NR2E1: variants seen among roughly 807,000 people sequenced by gnomAD.
The protein encoded by NR2E1 is nuclear receptor TLX.
A neutral mutation model predicts 43.6 loss-of-function variants in NR2E1; 5 were observed. The ratio of observed to expected loss-of-function variants is 0.11; its 90% CI spans 0.06 to 0.24. The LOEUF (loss-of-function observed/expected upper bound fraction) is 0.24. Ranked by LOEUF, NR2E1 falls within the 10% of genes least tolerant of loss-of-function variation. The pLI, the probability that NR2E1 is intolerant of heterozygous loss-of-function variation, is 1.00. For missense variants in NR2E1, 287 were observed against 496.7 expected, an observed-to-expected ratio of 0.58 and a Z score of 4.01; for synonymous variants, 191 against 195.5, an observed-to-expected ratio of 0.98 and a Z score of 0.19.
chr6:108,166,440 C>T lies in NR2E1; in HGVS notation c.-326C>T, dbSNP rs1773709275. 2.9e-6 allele frequency: 1 copy of T among 339,336 alleles called. No homozygotes were observed. Among genetic ancestry groups the T allele is most frequent in the African/African-American group, 2.2e-5 (1 of 45,564 alleles). The allele number at this position is 339,336 out of a possible 1,614,324, so 21.0% of individuals were successfully genotyped here. A position where few individuals can be genotyped will look rare whatever the true frequency, so the allele number is the denominator to read the frequency against. ...TCCATCTCTGTCTTTCAACATCCCTCTCTTGCTGTTCTTCCTTCTTCCTCA... is the reference window on the plus strand; with the variant it reads ...TCCATCTCTGTCTTTCAACATCCCTTTCTTGCTGTTCTTCCTTCTTCCTCA... On this transcript the variant is annotated 5_prime_UTR_variant, in exon 1 of 9. Transcript: ENST00000368986. This position sits in a 1 kb window ranked among gnomAD's most constrained non-coding sequence, Gnocchi z 7.2.
In NR2E1 at chr6:108,169,263, C is replaced by G. The variant is rs1459635831; in HGVS notation, c.26-2195C>G. 6.6e-6 allele frequency among the ~76,000 whole-genome samples: 1 copy of G among 152,204 alleles called. No homozygotes were observed. Among genetic ancestry groups the G allele is most frequent in the Non-Finnish European group, 1.5e-5 (1 of 68,032 alleles). The stretch of plus-strand genomic sequence containing the variant: ...GCCCCGGGAGCCGCGGCTCAGAGGT[C>G]TGCTCAGAGGCAGGACTCGCACTGG... On this transcript the variant is annotated intron_variant, in intron 1 of 8. Transcript: ENST00000368986. The surrounding 1 kb of genome is among the most constrained non-coding windows in gnomAD (Gnocchi z 6.1).
chr6:108,176,192 C>T (rs998648051), intron 3 of NR2E1: 1 of 428,598 alleles, frequency 2.3e-6, no homozygotes, highest in East Asian at 4.0e-5. Flanking sequence ...CTGCGAACCC[C>T]CTTCCCTGGT....
At position 108,180,477 on chromosome 6, in the gene NR2E1, T is replaced by C. The variant is rs1009361267; in HGVS notation, c.739+58T>C. 3.4e-6 allele frequency: 4 copies of C among 1,171,914 alleles called. No individual in the cohort carries two copies. Among genetic ancestry groups the C allele is most frequent in the Non-Finnish European group, 5.1e-6 (4 of 776,840 alleles). 72.6% of individuals were successfully genotyped at this position (1,171,914 alleles called of 1,614,324 possible). On this transcript the variant is annotated intron_variant, in intron 6 of 8. Transcript: ENST00000368986. The surrounding 1 kb of genome is among the most constrained non-coding windows in gnomAD (Gnocchi z 5.4). Reference sequence around the variant, plus strand: ...AGAAATTACCATAAAAATACATTACTGAAAAAAGAACAACATGTAAAGAAT... The same window carrying C: ...AGAAATTACCATAAAAATACATTACCGAAAAAAGAACAACATGTAAAGAAT...
Position 108,176,628 on chromosome 6 carries a change from G to T in NR2E1, c.385G>T (p.Ala129Ser), listed in dbSNP as rs1358864663. Residue 129 changes from alanine (A) to serine (S), a missense_variant, in exon 4 of 9, where the codon GCC becomes TCC. Around this residue, in one of 4 missense-constraint regions of NR2E1, gnomAD observed 119 missense variants for 155.7 expected, o/e 0.76. Transcript: ENST00000368986. ...HFPSAALPAP[A>S]FFTAVTQLEP... ...TCCCTCGGCGGCGCTCCCTGCGCCG[G>T]CCTTCTTCACCGCGGTCACGCAGCT... 8 of 1,610,762 alleles carry T rather than the reference G, an allele frequency of 5.0e-6. No individual in the cohort carries two copies. The highest frequency in any genetic ancestry group is 6.8e-6 in the Non-Finnish European group (8 of 1,179,506).
At chr6:108,177,385 C>T (rs963820711) in intron 4 of NR2E1, among the ~76,000 whole-genome samples, 1 of 152,194 alleles carries the variant, frequency 6.6e-6, no homozygotes, top group African/African-American at 2.4e-5. Flanking sequence ...GGAAAGGCTG[C>T]CACCTAAGGC....
chr6:108,175,538 C>T lies in NR2E1; in HGVS notation c.259+615C>T, dbSNP rs145204503. Among the ~76,000 whole-genome samples the T allele has an allele frequency of 2.9e-4, 44 of 152,356 alleles. No individual in the cohort carries two copies. The South Asian group carries it at 2.9e-3, about 10-fold the overall frequency. ...GCCCGTGGGTGCCTCGGACACCCAG[C>T]TCTCCCAAGGCTCTTAAGCGCGCAA... is the stretch of plus-strand genomic sequence containing the variant. On this transcript the variant is annotated intron_variant, in intron 3 of 8. Coordinates refer to ENST00000368986, the MANE Select transcript of NR2E1 (RefSeq NM_003269.5).
At chr6:108,185,091 A>G (rs1469304754) in intron 8 of NR2E1, among the ~76,000 whole-genome samples, 1 of 152,194 alleles carries the variant, frequency 6.6e-6, no homozygotes, top group Non-Finnish European at 1.5e-5. Flanking sequence ...GTCTAGAAAA[A>G]TAAAACCTGA....
At chr6:108,175,403 C>A (rs1773879691) in intron 3 of NR2E1, among the ~76,000 whole-genome samples, 1 of 152,242 alleles carries the variant, frequency 6.6e-6, no homozygotes, top group Non-Finnish European at 1.5e-5. Context: ...AGCCCGTGTG[C>A]AAATTCTCCA....
At position 108,176,729 on chromosome 6, in the gene NR2E1, C is replaced by G; in HGVS notation, c.486C>G (p.Pro162=). 6.4e-7 allele frequency: 1 copy of G among 1,570,232 alleles called. No individual in the cohort carries two copies. Among genetic ancestry groups the G allele is most frequent in the Non-Finnish European group, 8.6e-7 (1 of 1,163,602 alleles). The change falls in exon 4 of 9, where the codon CCC becomes CCG. Residue 162 remains proline (P), a synonymous_variant. Coordinates refer to ENST00000368986, the MANE Select transcript of NR2E1 (RefSeq NM_003269.5). ...AGACCCTCGTGAGCCTGGCTCAGCC[C>G]ACGCCCAAGGTCAGCGGCCTTGCTG... The part of the protein sequence containing the change: ...ERQTLVSLAQ[P]TPKYPHEVNG...
chr6:108,174,979 T>C, intron 3 of NR2E1, 56 bp downstream of exon 3: 3 of 1,480,068 alleles, frequency 2.0e-6, no homozygotes, highest in Non-Finnish European at 2.8e-6. Flanking sequence ...AAATTATATG[T>C]ACAGAAAATA....
intron 2 of NR2E1, among the ~76,000 whole-genome samples, chr6:108,172,180 G>A (rs987359403): frequency 2.6e-5 from 4 of 152,204 alleles, no homozygotes; most frequent in Admixed American, 1.3e-4. Context: ...TTCAACTCTG[G>A]AGAAGCAGGG....
intron 8 of NR2E1, among the ~76,000 whole-genome samples, chr6:108,182,203 C>G (rs1774002250): frequency 6.9e-6 from 1 of 145,282 alleles, no homozygotes; most frequent in African/African-American, 2.6e-5. Flanking sequence ...TATTGTGCCA[C>G]TGCACTCCAG....
intron 8 of NR2E1, among the ~76,000 whole-genome samples, chr6:108,185,409 TACACACACAC>T (rs3040212): frequency 6.1e-5 from 9 of 146,794 alleles, no homozygotes; most frequent in Non-Finnish European, 9.1e-5. Flanking sequence ...CACACACACA[TACACACACAC>T]ACACACACAC....
At chr6:108,168,830 G>A (rs1773757959) in intron 1 of NR2E1, 1 of 152,614 alleles carries the variant, frequency 6.6e-6, no homozygotes, top group African/African-American at 2.4e-5. Context: ...GGAGAGCAGA[G>A]CGATGTCACC....
At chr6:108,175,675 A>G (rs1257595493) in intron 3 of NR2E1, among the ~76,000 whole-genome samples, 3 of 152,092 alleles carry the variant, frequency 2.0e-5, no homozygotes, top group Non-Finnish European at 2.9e-5. Context: ...GGCGAGGGTA[A>G]TGGGCTGGAG....
chr6:108,186,454 C>A (rs1039195012), intron 8 of NR2E1, among the ~76,000 whole-genome samples: 7 of 152,278 alleles, frequency 4.6e-5, no homozygotes, highest in African/African-American at 1.7e-4. Flanking sequence ...GCTTCTAGCA[C>A]CTTGTGGCCT....
At chr6:108,178,994 A>G (rs1773944174) in intron 5 of NR2E1, 1 of 152,552 alleles carries the variant, frequency 6.6e-6, no homozygotes, top group Admixed American at 6.5e-5. Flanking sequence ...GTTCCCAACC[A>G]TTGGCTGTTA....
At position 108,178,045 on chromosome 6, in the gene NR2E1, A is replaced by G. The variant is rs369085916; in HGVS notation, c.496-50A>G. On this transcript the variant is annotated intron_variant, in intron 4 of 8. Transcript: ENST00000368986. Reference sequence around the variant, plus strand: ...AAATTAAAAGTTTGGTTCTTCTTGCAAAGCTGTGGTTTCCTCACTTCCAGG... The same window carrying G: ...AAATTAAAAGTTTGGTTCTTCTTGCGAAGCTGTGGTTTCCTCACTTCCAGG... The G allele has an allele frequency of 3.4e-5, 54 of 1,604,986 alleles. No homozygotes were observed. The African/African-American group carries it at 6.1e-4, about 18-fold the overall frequency.
At chr6:108,167,597 C>A (rs182226050) in intron 1 of NR2E1, among the ~76,000 whole-genome samples, 2 of 152,082 alleles carry the variant, frequency 1.3e-5, no homozygotes, top group Non-Finnish European at 2.9e-5. Flanking sequence ...TGTGCAGGCC[C>A]GAGCCAGCGT....
Sources: gnomAD v4.1 joint callset for allele counts (sites outside exome capture counted in the v4.1 genomes callset) on GRCh38, gnomAD v4.1.1 for gene constraint, gnomAD v4.1.1 regional missense constraint, Gnocchi (gnomAD v3.1) non-coding constraint, MANE v1.5 for transcripts, NCBI Gene and HGNC (gene_info 2026-07-23, HGNC 2026-07-21) for gene names.